Variants in KALRN observed in about 807,000 individuals in gnomAD.
KALRN encodes the protein kalirin RhoGEF kinase, also known as kalirin.
Under a neutral mutation model 353.7 loss-of-function variants are expected in KALRN, and 70 were observed. That is an observed-to-expected ratio of 0.20 (90% CI 0.16 to 0.24). The LOEUF (loss-of-function observed/expected upper bound fraction) is 0.24. KALRN is among the 10% of genes least tolerant of loss of function. KALRN has a pLI of 1.00. For synonymous variants in KALRN, 1,391 were observed against 1,434.8 expected, an observed-to-expected ratio of 0.97 and a Z score of 0.69; for missense variants, 2,791 against 3,756.7, an observed-to-expected ratio of 0.74 and a Z score of 6.72.
intron 37 of KALRN, among the ~76,000 whole-genome samples, chr3:124,638,196 T>C (rs541389663): frequency 6.6e-6 from 1 of 152,294 alleles, no homozygotes; most frequent in African/African-American, 2.4e-5. Flanking sequence ...TAGAGGAAAA[T>C]GATGGATGCT....
At chr3:124,370,076 G>A (rs536857696) in intron 10 of KALRN, among the ~76,000 whole-genome samples, 3 of 152,132 alleles carry the variant, frequency 2.0e-5, no homozygotes, top group Non-Finnish European at 2.9e-5. Context: ...ATATATAAAC[G>A]TTATTTGTCA....
intron 1 of KALRN, among the ~76,000 whole-genome samples, chr3:124,196,393 A>G (rs2075430700): frequency 6.6e-6 from 1 of 152,194 alleles, no homozygotes; most frequent in African/African-American, 2.4e-5. Flanking sequence ...GGAGAGGCTC[A>G]GATCCTGGAT....
chr3:124,465,765 C>G (rs1156789509), intron 25 of KALRN, among the ~76,000 whole-genome samples: 1 of 152,112 alleles, frequency 6.6e-6, no homozygotes, highest in African/African-American at 2.4e-5. Context: ...CCTCTCATTT[C>G]TAGTGCATAG....
At chr3:124,186,667 A>C (rs887899334) in intron 1 of KALRN, among the ~76,000 whole-genome samples, 1 of 152,168 alleles carries the variant, frequency 6.6e-6, no homozygotes, top group Non-Finnish European at 1.5e-5. Context: ...GTTCATCAGC[A>C]GGGAGCTAAG....
chr3:124,464,816 G>C (rs1416983768), intron 25 of KALRN, among the ~76,000 whole-genome samples: 2 of 142,900 alleles, frequency 1.4e-5, no homozygotes, highest in African/African-American at 5.3e-5. Context: ...ACCAGCAGCT[G>C]TCTAAAGAAG....
intron 1 of KALRN, among the ~76,000 whole-genome samples, chr3:124,036,966 A>T (rs957922709): frequency 6.6e-6 from 1 of 152,154 alleles, no homozygotes; most frequent in East Asian, 1.9e-4. Flanking sequence ...CTACTATTCT[A>T]GATTGGTAGA....
chr3:124,153,424 A>G (rs1387455525), intron 1 of KALRN, among the ~76,000 whole-genome samples: 3 of 150,588 alleles, frequency 2.0e-5, no homozygotes, highest in African/African-American at 4.9e-5. Flanking sequence ...AATTTCATCC[A>G]TGTCCCTACA....
chr3:124,040,582 G>A (rs1278403743), intron 1 of KALRN, among the ~76,000 whole-genome samples: 4 of 152,224 alleles, frequency 2.6e-5, no homozygotes, highest in Admixed American at 6.5e-5. Flanking sequence ...ATGGAGAAAC[G>A]CTGGTATAGC....
intron 10 of KALRN, among the ~76,000 whole-genome samples, chr3:124,380,380 G>T (rs1011167725): frequency 2.6e-5 from 4 of 152,158 alleles, no homozygotes; most frequent in Non-Finnish European, 4.4e-5. Context: ...ATTATTTAGG[G>T]CATCATACCT....
At chr3:124,355,352 G>GA (rs1040084414) in intron 10 of KALRN, among the ~76,000 whole-genome samples, 2 of 152,110 alleles carry the variant, frequency 1.3e-5, no homozygotes, top group African/African-American at 4.8e-5. Context: ...CCTAATTCTG[G>GA]AAAATATATT....
Position 124,355,676 on chromosome 3 carries a change from C to A in KALRN, c.1770+8411C>A, listed in dbSNP as rs182342496. 1.6e-4 allele frequency among the ~76,000 whole-genome samples: 23 copies of A among 147,896 alleles called. No individual in the cohort carries two copies. The East Asian group carries it at 4.6e-3, about 29-fold the overall frequency. ...TTTTCCGATACAGGCAACCTTTTTT[C>A]CTTAGGATTAAACACCCTCAACTCT... On this transcript the variant is annotated intron_variant, in intron 10 of 59. Transcript: ENST00000682506.
intron 1 of KALRN, among the ~76,000 whole-genome samples, chr3:124,114,749 C>T (rs2063313407): frequency 6.6e-6 from 1 of 152,146 alleles, no homozygotes; most frequent in Admixed American, 6.5e-5. Context: ...TGAGATGAAA[C>T]TTTTCAGGGG....
intron 33 of KALRN, among the ~76,000 whole-genome samples, chr3:124,520,220 C>G (rs1472258385): frequency 6.6e-6 from 1 of 151,868 alleles, no homozygotes; most frequent in Non-Finnish European, 1.5e-5. Context: ...GAAAAGCAGC[C>G]AAAAAGAGAG....
chr3:124,539,928 G>GGC (rs2068859371), intron 33 of KALRN, among the ~76,000 whole-genome samples: 1 of 150,168 alleles, frequency 6.7e-6, no homozygotes, highest in South Asian at 2.1e-4. Flanking sequence ...TTTTTGGGGG[G>GGC]GGGGACAGGG....
chr3:124,272,113 C>T (rs1211484859), intron 5 of KALRN, among the ~76,000 whole-genome samples: 1 of 152,076 alleles, frequency 6.6e-6, no homozygotes, highest in East Asian at 1.9e-4. Flanking sequence ...GGATTATACC[C>T]AAGTAATAAA....
intron 6 of KALRN, among the ~76,000 whole-genome samples, chr3:124,323,393 C>G (rs2079550226): frequency 6.6e-6 from 1 of 152,146 alleles, no homozygotes; most frequent in African/African-American, 2.4e-5. Flanking sequence ...CAGCTGTGAG[C>G]CCCTGTGGGC....
intron 5 of KALRN, among the ~76,000 whole-genome samples, chr3:124,286,127 C>CTTTCTTTCTTTCT (rs2075860957): frequency 1.4e-5 from 2 of 144,170 alleles, no homozygotes; most frequent in Non-Finnish European, 3.0e-5. Context: ...TTCTTTCTTT[C>CTTTCTTTCTTTCT]TTTCTTTCTT....
intron 3 of KALRN, among the ~76,000 whole-genome samples, chr3:124,260,331 G>A (rs1236647122): frequency 6.6e-6 from 1 of 152,148 alleles, no homozygotes; most frequent in Non-Finnish European, 1.5e-5. Flanking sequence ...CCCAAATGTG[G>A]CAGCACAGTA....
chr3:124,458,823 A>G (rs1277233758), intron 23 of KALRN, among the ~76,000 whole-genome samples: 3 of 152,134 alleles, frequency 2.0e-5, no homozygotes, highest in Admixed American at 6.5e-5. Context: ...AATCCCAGCT[A>G]CTCAGGAGGC....
Sources: allele counts gnomAD v4.1 joint callset (sites outside exome capture counted in the v4.1 genomes callset), GRCh38; gene constraint gnomAD v4.1.1; transcripts MANE v1.5; gene names NCBI Gene and HGNC (gene_info 2026-07-23, HGNC 2026-07-21).